PPM1H: variants seen among roughly 807,000 people sequenced by gnomAD.
The protein encoded by PPM1H is protein phosphatase 1H.
PPM1H carries 27 observed loss-of-function variants against 54.9 expected under a neutral mutation model. That is an observed-to-expected ratio of 0.49 (90% CI 0.36 to 0.68). The LOEUF (loss-of-function observed/expected upper bound fraction) is 0.68. Among genes scored for constraint, PPM1H ranks in the 30% least tolerant of loss-of-function variants. PPM1H has a pLI of 0.00. For missense variants in PPM1H, 596 were observed against 667.8 expected, an observed-to-expected ratio of 0.89 and a Z score of 1.19; for synonymous variants, 305 against 270.8, an observed-to-expected ratio of 1.13 and a Z score of -1.24.
chr12:62,887,721 T>C (rs752152336), intron 1 of PPM1H, among the ~76,000 whole-genome samples: 20 of 151,962 alleles, frequency 1.3e-4, no homozygotes, highest in Non-Finnish European at 2.2e-4. Flanking sequence ...TACGACTGCA[T>C]TGGGGGAAGG....
At chr12:62,702,786 C>T (rs145116598) in intron 6 of PPM1H, among the ~76,000 whole-genome samples, 3 of 152,332 alleles carry the variant, frequency 2.0e-5, no homozygotes, top group Admixed American at 2.0e-4. Context: ...AATCTCTAGA[C>T]ATTGCCTTGG....
At chr12:62,840,389 A>G (rs1592628720) in intron 1 of PPM1H, among the ~76,000 whole-genome samples, 1 of 152,148 alleles carries the variant, frequency 6.6e-6, no homozygotes, top group Admixed American at 6.5e-5. Flanking sequence ...GGCGGTGAGG[A>G]TTTCAACATA....
intron 3 of PPM1H, among the ~76,000 whole-genome samples, chr12:62,797,851 C>T (rs923516221): frequency 6.6e-6 from 1 of 152,142 alleles, no homozygotes; most frequent in Non-Finnish European, 1.5e-5. Context: ...ACAAGAGCAT[C>T]TGTGATTAAA....
intron 5 of PPM1H, among the ~76,000 whole-genome samples, chr12:62,725,500 A>G (rs1034981347): frequency 2.6e-5 from 4 of 152,210 alleles, no homozygotes; most frequent in African/African-American, 7.2e-5. Context: ...GTTTATTCCC[A>G]TTAGATCACA....
chr12:62,863,166 G>C (rs888261463), intron 1 of PPM1H, among the ~76,000 whole-genome samples: 1 of 151,696 alleles, frequency 6.6e-6, no homozygotes, highest in African/African-American at 2.4e-5. Flanking sequence ...GACCGCAGGT[G>C]CGTGCCACTA....
intron 1 of PPM1H, among the ~76,000 whole-genome samples, chr12:62,909,404 A>G (rs772550): frequency 0.33 from 50,213 of 151,912 alleles, 9,896 homozygotes; most frequent in Non-Finnish European, 0.45. Context: ...TCAGCCATCT[A>G]ATCTCCTCTG....
intron 8 of PPM1H, among the ~76,000 whole-genome samples, chr12:62,680,315 TTCTC>T (rs571961818): frequency 9.1e-4 from 136 of 150,150 alleles, no homozygotes; most frequent in Middle Eastern, 3.4e-3. Flanking sequence ...CTCTCTTGCT[TTCTC>T]TCTCTCTCTT....
intron 5 of PPM1H, among the ~76,000 whole-genome samples, chr12:62,731,100 T>G (rs569487927): frequency 1.3e-5 from 2 of 152,340 alleles, no homozygotes; most frequent in African/African-American, 2.4e-5. Context: ...ATGAAGATTT[T>G]AAGAGAAGTT....
At chr12:62,786,473 CGATGGGAAGGTCAGGCAAGA>C (rs2076672333) in intron 4 of PPM1H, among the ~76,000 whole-genome samples, 1 of 152,188 alleles carries the variant, frequency 6.6e-6, no homozygotes, top group Non-Finnish European at 1.5e-5. Context: ...TGGGGTCAGC[CGATGGGAAGGTCAGGCAAGA>C]GATGGGAGGG....
At chr12:62,658,009 C>A (rs2075855121) in intron 9 of PPM1H, among the ~76,000 whole-genome samples, 1 of 148,530 alleles carries the variant, frequency 6.7e-6, no homozygotes, top group Admixed American at 6.7e-5. Flanking sequence ...ATAAAAAGCC[C>A]CTCAAGGGTC....
chr12:62,886,956 C>T (rs966120518), intron 1 of PPM1H, among the ~76,000 whole-genome samples: 1 of 152,144 alleles, frequency 6.6e-6, no homozygotes, highest in Non-Finnish European at 1.5e-5. Flanking sequence ...GGAAGACCAG[C>T]CTGCCTACCT....
intron 4 of PPM1H, among the ~76,000 whole-genome samples, chr12:62,773,481 T>A (rs76289550): frequency 2.6e-5 from 4 of 151,998 alleles, no homozygotes; most frequent in South Asian, 4.2e-4. Flanking sequence ...TCTCTAAAAA[T>A]TTTTTTTAAT....
intron 8 of PPM1H, among the ~76,000 whole-genome samples, chr12:62,679,751 C>T (rs991012050): frequency 1.3e-4 from 20 of 152,124 alleles, no homozygotes; most frequent in Admixed American, 1.3e-4. Context: ...CTACATTTTC[C>T]GGCAACAATC....
intron 2 of PPM1H, among the ~76,000 whole-genome samples, chr12:62,824,286 G>C (rs1459555909): frequency 1.3e-5 from 2 of 152,112 alleles, no homozygotes; most frequent in Non-Finnish European, 2.9e-5. Flanking sequence ...CCATGCTCAT[G>C]GATAGGAAGA....
chr12:62,770,151 A>G (rs2076570145), intron 4 of PPM1H, among the ~76,000 whole-genome samples: 1 of 151,814 alleles, frequency 6.6e-6, no homozygotes, highest in African/African-American at 2.4e-5. Context: ...CTGGGGGATA[A>G]TATTACTAAT....
At chr12:62,889,489 T>A (rs1267121089) in intron 1 of PPM1H, among the ~76,000 whole-genome samples, 2 of 151,874 alleles carry the variant, frequency 1.3e-5, no homozygotes, top group Non-Finnish European at 2.9e-5. Flanking sequence ...AGATCCTGTC[T>A]CTAAAAAAAT....
intron 4 of PPM1H, among the ~76,000 whole-genome samples, chr12:62,740,616 ACTGT>A (rs1221307285): frequency 2.0e-5 from 3 of 152,120 alleles, no homozygotes; most frequent in African/African-American, 7.2e-5. Flanking sequence ...TGATTACTTA[ACTGT>A]CTGCTTTCCA....
intron 1 of PPM1H, among the ~76,000 whole-genome samples, chr12:62,855,169 C>T (rs984807619): frequency 1.3e-5 from 2 of 152,158 alleles, no homozygotes; most frequent in African/African-American, 2.4e-5. Flanking sequence ...GTTTGCCTGG[C>T]ACTATTCTGG....
At position 62,661,089 on chromosome 12, in the gene PPM1H, T is replaced by TC. The variant is rs545003209; in HGVS notation, c.1397+6088dup. Among the ~76,000 whole-genome samples the TC allele has an allele frequency of 2.2e-3, 329 of 152,230 alleles. 3 individuals are homozygous for TC. The highest frequency in any genetic ancestry group is 7.7e-3 in the African/African-American group (319 of 41,548). On this transcript the variant is annotated intron_variant, in intron 9 of 9. Transcript: ENST00000228705. ...ATCTGTTGACATTCTGCTCCCCACC[T>TC]CCAAGACCAGTCAGCCACACTGACT...
Sources: allele counts gnomAD v4.1 joint callset (sites outside exome capture counted in the v4.1 genomes callset), GRCh38; gene constraint gnomAD v4.1.1; transcripts MANE v1.5; gene names NCBI Gene and HGNC (gene_info 2026-07-23, HGNC 2026-07-21).